Variants in CMIP observed in about 807,000 individuals in gnomAD.
CMIP encodes c-Maf inducing protein, also known as C-Maf-inducing protein.
In CMIP, 13 loss-of-function variants were observed where a neutral mutation model predicts 97.3. That is an observed-to-expected ratio of 0.13 (90% CI 0.09 to 0.21). The LOEUF (loss-of-function observed/expected upper bound fraction) is 0.21. Among genes scored for constraint, CMIP ranks in the 10% least tolerant of loss-of-function variants. CMIP has a pLI of 1.00. For missense variants in CMIP, 847 were observed against 1,024.9 expected (o/e 0.83, Z 2.37); for synonymous variants, 538 against 436.3 (o/e 1.23, Z -2.91).
chr16:81,525,494 G>A (rs1399567274), intron 1 of CMIP, among the ~76,000 whole-genome samples: 3 of 151,914 alleles, frequency 2.0e-5, no homozygotes, highest in Admixed American at 6.6e-5. Context: ...TACATATAAC[G>A]TAAGGTTTAC....
chr16:81,639,081 G>A lies in CMIP; in HGVS notation c.478-13122G>A, dbSNP rs112362312. 4.5e-3 allele frequency among the ~76,000 whole-genome samples: 678 copies of A among 152,240 alleles called. 5 individuals carry two copies. Among genetic ancestry groups the A allele is most frequent in the Non-Finnish European group, 8.0e-3 (545 of 68,004 alleles). On this transcript the variant is annotated intron_variant, in intron 3 of 20. Coordinates refer to ENST00000537098, the MANE Select transcript of CMIP (RefSeq NM_198390.3). ...GTGTGGCTCAGTCCCTTCAAGGACC[G>A]GAGCTCAGGACCAGGGGGTGACCCT... is the stretch of plus-strand genomic sequence containing the variant.
intron 1 of CMIP, among the ~76,000 whole-genome samples, chr16:81,579,918 T>C (rs962566214): frequency 3.1e-4 from 47 of 152,102 alleles, no homozygotes; most frequent in Admixed American, 3.1e-3. Context: ...ATCGCACCAC[T>C]GCACTCCAGC....
chr16:81,700,815 G>A (rs1355218940), intron 15 of CMIP, among the ~76,000 whole-genome samples: 4 of 152,230 alleles, frequency 2.6e-5, no homozygotes, highest in Non-Finnish European at 4.4e-5. Context: ...GATGTGGCTG[G>A]ATGGGCATGA....
At chr16:81,597,670 A>C (rs1328863974) in intron 1 of CMIP, among the ~76,000 whole-genome samples, 1 of 151,434 alleles carries the variant, frequency 6.6e-6, no homozygotes, top group Non-Finnish European at 1.5e-5. Context: ...CAGGCCCTCC[A>C]CCAACTCCGT....
intron 9 of CMIP, among the ~76,000 whole-genome samples, chr16:81,672,581 A>AT (rs909667688): frequency 1.3e-5 from 2 of 151,762 alleles, no homozygotes; most frequent in Non-Finnish European, 2.9e-5. Context: ...GTTTTATTTT[A>AT]TTTTTTTGAG....
intron 1 of CMIP, among the ~76,000 whole-genome samples, chr16:81,576,695 C>T (rs2091195149): frequency 6.6e-6 from 1 of 152,066 alleles, no homozygotes; most frequent in African/African-American, 2.4e-5. Context: ...ATGATGTCTC[C>T]TAAGCCTAGT....
chr16:81,503,425 G>T (rs1188479679), intron 1 of CMIP, among the ~76,000 whole-genome samples: 2 of 152,122 alleles, frequency 1.3e-5, no homozygotes, highest in East Asian at 1.9e-4. Flanking sequence ...TTGAGGCAGG[G>T]TCTCTGTGCA....
chr16:81,451,787 C>A (rs1906231264), intron 1 of CMIP, among the ~76,000 whole-genome samples: 1 of 152,204 alleles, frequency 6.6e-6, no homozygotes, highest in Admixed American at 6.5e-5. Context: ...CACCTGAGGG[C>A]ATTGCTTTTT....
At chr16:81,604,655 G>A (rs920438130) in intron 1 of CMIP, among the ~76,000 whole-genome samples, 3 of 152,126 alleles carry the variant, frequency 2.0e-5, no homozygotes, top group East Asian at 1.9e-4. Flanking sequence ...AGCCGAGATC[G>A]CGCCACTGCA....
At chr16:81,702,741 G>A in intron 17 of CMIP, 72 bp downstream of exon 17, 8 of 1,386,824 alleles carry the variant, frequency 5.8e-6, no homozygotes, top group African/African-American at 1.4e-5. Context: ...GGAACGGCAG[G>A]TGGTGTCTGC....
At chr16:81,448,173 T>G (rs1441348789) in intron 1 of CMIP, among the ~76,000 whole-genome samples, 1 of 152,212 alleles carries the variant, frequency 6.6e-6, no homozygotes, top group Non-Finnish European at 1.5e-5. Flanking sequence ...ATATCCTTAC[T>G]TGAAATATCA....
At chr16:81,535,598 A>G (rs1256250233) in intron 1 of CMIP, among the ~76,000 whole-genome samples, 3 of 152,124 alleles carry the variant, frequency 2.0e-5, no homozygotes, top group Non-Finnish European at 4.4e-5. Context: ...TGCCTGGCAT[A>G]GAAAAAGCCC....
chr16:81,557,100 A>T (rs1034869725), intron 1 of CMIP, among the ~76,000 whole-genome samples: 73 of 152,340 alleles, frequency 4.8e-4, no homozygotes, highest in Middle Eastern at 3.4e-3. Context: ...AAAGGTGTCA[A>T]CACCAAGGGA....
intron 3 of CMIP, among the ~76,000 whole-genome samples, chr16:81,639,315 G>A (rs1479449297): frequency 1.3e-5 from 2 of 152,248 alleles, no homozygotes; most frequent in Non-Finnish European, 2.9e-5. Context: ...GGTTTAGGTG[G>A]CAGTTCAGTG....
intron 2 of CMIP, among the ~76,000 whole-genome samples, chr16:81,609,642 T>TG (rs1458380992): frequency 2.0e-5 from 3 of 152,148 alleles, no homozygotes; most frequent in South Asian, 4.1e-4. Flanking sequence ...TTATTTGGCC[T>TG]GGGGGGCCAA....
intron 1 of CMIP, among the ~76,000 whole-genome samples, chr16:81,501,856 C>T (rs2089619792): frequency 6.6e-6 from 1 of 152,180 alleles, no homozygotes; most frequent in Admixed American, 6.5e-5. Flanking sequence ...AAGTGATCCG[C>T]CCACCTCGGC....
chr16:81,670,117 C>T (rs193207622), intron 7 of CMIP, 25 bp from the exon 8 acceptor site: 2 of 1,593,510 alleles, frequency 1.3e-6, no homozygotes, highest in South Asian at 2.3e-5. Context: ...ACCGTCCCGA[C>T]TCCTGTCCTC....
At chr16:81,555,771 C>A (rs1402933119) in intron 1 of CMIP, among the ~76,000 whole-genome samples, 1 of 152,164 alleles carries the variant, frequency 6.6e-6, no homozygotes, top group Non-Finnish European at 1.5e-5. Context: ...ATAGATGAAA[C>A]CCCTCCGGGC....
At chr16:81,674,913 T>C (rs1209473817) in intron 9 of CMIP, among the ~76,000 whole-genome samples, 1 of 152,122 alleles carries the variant, frequency 6.6e-6, no homozygotes, top group African/African-American at 2.4e-5. Context: ...TTTGGAGAGT[T>C]GGTTGTTAGA....
Sources: gnomAD v4.1 joint callset for allele counts (sites outside exome capture counted in the v4.1 genomes callset) on GRCh38, gnomAD v4.1.1 for gene constraint, MANE v1.5 for transcripts, NCBI Gene and HGNC (gene_info 2026-07-23, HGNC 2026-07-21) for gene names.